Variants in TAFA1 observed in about 807,000 individuals in gnomAD.
TAFA1 encodes chemokine-like protein TAFA-1.
TAFA1 carries 4 observed loss-of-function variants against 18.5 expected under a neutral mutation model. The observed-to-expected ratio is 0.22, with a 90% CI of 0.11 to 0.49. The LOEUF is 0.49. Among genes scored for constraint, TAFA1 ranks in the 20% least tolerant of loss-of-function variants. TAFA1 has a pLI of 0.98. For missense variants in TAFA1, 147 were observed against 169.0 expected, an observed-to-expected ratio of 0.87 and a Z score of 0.72; for synonymous variants, 56 against 55.2, an observed-to-expected ratio of 1.01 and a Z score of -0.06.
At chr3:68,480,535 T>C (rs1347351974) in intron 3 of TAFA1, among the ~76,000 whole-genome samples, 1 of 152,200 alleles carries the variant, frequency 6.6e-6, no homozygotes, top group Non-Finnish European at 1.5e-5. Context: ...TGAAGCATAT[T>C]AAGACTAGAG....
upstream of TAFA1, among the ~76,000 whole-genome samples, chr3:68,000,079 G>A (rs988958354): frequency 2.0e-5 from 3 of 152,118 alleles, no homozygotes; most frequent in South Asian, 2.1e-4. Flanking sequence ...GTGAGCCACC[G>A]TGCCTGGTCA....
intron 2 of TAFA1, among the ~76,000 whole-genome samples, chr3:68,159,262 G>A (rs1227597780): frequency 6.6e-6 from 1 of 152,156 alleles, no homozygotes; most frequent in African/African-American, 2.4e-5. Context: ...CGCCTGATTA[G>A]CAGTGAAATC....
intron 2 of TAFA1, among the ~76,000 whole-genome samples, chr3:68,309,267 G>A (rs1048566282): frequency 6.6e-6 from 1 of 151,992 alleles, no homozygotes; most frequent in African/African-American, 2.4e-5. Flanking sequence ...ATACAATAAT[G>A]AATTATAAAA....
chr3:68,231,344 ATTTTTTTTTTTT>A (rs1175174572), intron 2 of TAFA1, among the ~76,000 whole-genome samples: 1 of 79,852 alleles, frequency 1.3e-5, no homozygotes, highest in Admixed American at 1.4e-4. Context: ...AATCTATTTG[ATTTTTTTTTTTT>A]TTTTTTTTTT....
At chr3:68,111,532 G>GATTATGAATAT (rs2065261742) in intron 2 of TAFA1, among the ~76,000 whole-genome samples, 1 of 152,054 alleles carries the variant, frequency 6.6e-6, no homozygotes, top group Non-Finnish European at 1.5e-5. Flanking sequence ...GAATATAAAT[G>GATTATGAATAT]ACATAGGCAG....
At chr3:68,478,295 T>G (rs567047789) in intron 3 of TAFA1, among the ~76,000 whole-genome samples, 1 of 152,358 alleles carries the variant, frequency 6.6e-6, no homozygotes, top group East Asian at 1.9e-4. Context: ...TTATGTGGTC[T>G]GCTCATGGTC....
intron 2 of TAFA1, among the ~76,000 whole-genome samples, chr3:68,195,909 G>A (rs1484307046): frequency 6.6e-6 from 1 of 151,614 alleles, no homozygotes; most frequent in Admixed American, 6.6e-5. Context: ...GTTTACGGCT[G>A]GAATCTACTG....
At chr3:68,526,193 C>T (rs551721002) in intron 3 of TAFA1, among the ~76,000 whole-genome samples, 1 of 152,310 alleles carries the variant, frequency 6.6e-6, no homozygotes, top group East Asian at 1.9e-4. Context: ...ATGCCAAGAG[C>T]ATCTCCCTGG....
intron 3 of TAFA1, among the ~76,000 whole-genome samples, chr3:68,506,557 T>A (rs2072759766): frequency 6.6e-6 from 1 of 152,112 alleles, no homozygotes; most frequent in African/African-American, 2.4e-5. Flanking sequence ...GTGGAAACAC[T>A]GTGTGGGCAT....
chr3:68,023,185 T>C (rs952960866), intron 2 of TAFA1, among the ~76,000 whole-genome samples: 2 of 152,010 alleles, frequency 1.3e-5, no homozygotes, highest in Admixed American at 6.6e-5. Context: ...TGGAAGTAAA[T>C]GTATGTCAGG....
intron 2 of TAFA1, among the ~76,000 whole-genome samples, chr3:68,308,601 A>G (rs1409114210): frequency 6.6e-6 from 1 of 152,186 alleles, no homozygotes; most frequent in Non-Finnish European, 1.5e-5. Flanking sequence ...AAACTACATA[A>G]TGCACTTTAT....
intron 2 of TAFA1, among the ~76,000 whole-genome samples, chr3:68,130,000 C>A (rs2106879370): frequency 6.6e-6 from 1 of 152,270 alleles, no homozygotes; most frequent in East Asian, 1.9e-4. Context: ...TTTCACACTT[C>A]TTTGAGCAAA....
At position 68,018,723 on chromosome 3, in the gene TAFA1, A is replaced by C. The variant is rs76149133; in HGVS notation, c.118+11979A>C. On this transcript the variant is annotated intron_variant, in intron 2 of 4. Coordinates refer to ENST00000478136, the MANE Select transcript of TAFA1 (RefSeq NM_213609.4). ...CTTAAGCATTTGATATTTCAGTTAA[A>C]CCTCACAATATCCTCATGAGGTAGA... 3.5e-3 allele frequency among the ~76,000 whole-genome samples: 536 copies of C among 152,300 alleles called. 5 individuals carry two copies. The highest frequency in any genetic ancestry group is 0.012 in the African/African-American group (518 of 41,556).
At chr3:68,315,024 C>G (rs1474126506) in intron 2 of TAFA1, among the ~76,000 whole-genome samples, 1 of 151,724 alleles carries the variant, frequency 6.6e-6, no homozygotes, top group African/African-American at 2.4e-5. Flanking sequence ...AGACTTTCTT[C>G]TCTGTTAAAG....
intron 3 of TAFA1, among the ~76,000 whole-genome samples, chr3:68,441,339 T>C (rs953609884): frequency 2.0e-5 from 3 of 152,124 alleles, no homozygotes; most frequent in Admixed American, 2.0e-4. Context: ...ATAGTGACAC[T>C]GTGTGGAGCC....
intron 3 of TAFA1, among the ~76,000 whole-genome samples, chr3:68,482,969 A>C (rs938935736): frequency 6.6e-6 from 1 of 152,172 alleles, no homozygotes; most frequent in African/African-American, 2.4e-5. Context: ...ACTAAATTCA[A>C]CTTCTTTCTT....
At chr3:68,005,810 T>C (rs1575569463) in intron 1 of TAFA1, among the ~76,000 whole-genome samples, 1 of 152,198 alleles carries the variant, frequency 6.6e-6, no homozygotes, top group South Asian at 2.1e-4. Context: ...TTGGACAATA[T>C]ATAGCGCAGT....
chr3:68,311,712 C>A (rs1328908373), intron 2 of TAFA1, among the ~76,000 whole-genome samples: 1 of 152,216 alleles, frequency 6.6e-6, no homozygotes, highest in African/African-American at 2.4e-5. Context: ...CTTCTGGCTG[C>A]TTTCAGAAAC....
intron 2 of TAFA1, among the ~76,000 whole-genome samples, chr3:68,197,543 T>G (rs1263123499): frequency 6.6e-6 from 1 of 151,382 alleles, no homozygotes; most frequent in South Asian, 2.1e-4. Flanking sequence ...AGTGGCAACA[T>G]CTAATTATAA....
Sources: gnomAD v4.1 joint callset for allele counts (sites outside exome capture counted in the v4.1 genomes callset) on GRCh38, gnomAD v4.1.1 for gene constraint, MANE v1.5 for transcripts, NCBI Gene and HGNC (gene_info 2026-07-23, HGNC 2026-07-21) for gene names.